TAB2: variants seen among roughly 807,000 people sequenced by gnomAD.
TAB2 encodes the protein TGF-beta-activated kinase 1 and MAP3K7-binding protein 2.
Under a neutral mutation model 65.0 loss-of-function variants are expected in TAB2, and 3 were observed. That is an observed-to-expected ratio of 0.05 (90% CI 0.02 to 0.12). The LOEUF (loss-of-function observed/expected upper bound fraction) is 0.12, where lower values mean the gene tolerates loss of function less well. TAB2 is among the 10% of genes least tolerant of loss of function. The pLI is 1.00. For missense variants in TAB2, 623 were observed against 840.3 expected (o/e 0.74, Z 3.20); for synonymous variants, 298 against 285.1 (o/e 1.05, Z -0.46).
intron 1 of TAB2, among the ~76,000 whole-genome samples, chr6:149,231,610 T>C (rs1777408080): frequency 6.6e-6 from 1 of 152,214 alleles, no homozygotes; most frequent in Non-Finnish European, 1.5e-5. Context: ...TCACTGCATA[T>C]GTACATATGT....
At chr6:149,244,498 A>C (rs1265070666) in intron 1 of TAB2, 1 of 152,412 alleles carries the variant, frequency 6.6e-6, no homozygotes, top group Non-Finnish European at 1.5e-5. Flanking sequence ...TGTATCCCGG[A>C]TAGAGGTGAT....
chr6:149,282,923 A>G (rs1015879618), intron 1 of TAB2, among the ~76,000 whole-genome samples: 1 of 152,196 alleles, frequency 6.6e-6, no homozygotes, highest in African/African-American at 2.4e-5. Flanking sequence ...AGCATTCTTA[A>G]CTGCTGGGTC....
intron 1 of TAB2, among the ~76,000 whole-genome samples, chr6:149,326,612 A>G (rs1335867915): frequency 2.0e-5 from 3 of 151,654 alleles, no homozygotes; most frequent in East Asian, 3.9e-4. Context: ...CAATGTTGCA[A>G]TCTCAGCTCA....
intron 1 of TAB2, among the ~76,000 whole-genome samples, chr6:149,330,853 A>T (rs1779761384): frequency 1.3e-5 from 2 of 152,080 alleles, no homozygotes; most frequent in South Asian, 4.1e-4. Flanking sequence ...ACACTGGCTA[A>T]CCTTAGGTCC....
At chr6:149,252,002 T>C (rs1316193173) in intron 1 of TAB2, among the ~76,000 whole-genome samples, 1 of 152,186 alleles carries the variant, frequency 6.6e-6, no homozygotes, top group Non-Finnish European at 1.5e-5. Context: ...ATATAAGGAA[T>C]AATTTATCCT....
chr6:149,236,751 GCTA>G (rs1777503146), intron 1 of TAB2, among the ~76,000 whole-genome samples: 1 of 152,162 alleles, frequency 6.6e-6, no homozygotes, highest in African/African-American at 2.4e-5. Context: ...GCTTCCCTAG[GCTA>G]CTGTTATTTT....
chr6:149,235,133 G>A (rs1187366006), intron 1 of TAB2, among the ~76,000 whole-genome samples: 1 of 152,220 alleles, frequency 6.6e-6, no homozygotes, highest in Non-Finnish European at 1.5e-5. Context: ...AAAAATAAAA[G>A]CTAAGGCAAG....
intron 1 of TAB2, among the ~76,000 whole-genome samples, chr6:149,266,367 G>C (rs1193546423): frequency 1.3e-5 from 2 of 152,176 alleles, no homozygotes; most frequent in Admixed American, 1.3e-4. Context: ...TTGGCAGACT[G>C]TCCCTTAGTA....
chr6:149,317,239 G>A (rs528431882), upstream of TAB2, among the ~76,000 whole-genome samples: 1 of 152,092 alleles, frequency 6.6e-6, no homozygotes, highest in African/African-American at 2.4e-5. This position sits in a 1 kb window ranked among gnomAD's most constrained non-coding sequence, Gnocchi z 4.7. Context: ...AGGATGGGGG[G>A]CCCAGGCGGA....
At chr6:149,356,287 G>C (rs1184830160) in intron 1 of TAB2, among the ~76,000 whole-genome samples, 3 of 152,120 alleles carry the variant, frequency 2.0e-5, no homozygotes, top group African/African-American at 7.2e-5. Context: ...TAAAATTGGG[G>C]GTTAACTGAA....
intron 6 of TAB2, chr6:149,401,202 A>G (rs1362590462): frequency 6.0e-6 from 1 of 167,038 alleles, no homozygotes; most frequent in African/African-American, 2.4e-5. Context: ...TACTCTAAAA[A>G]AAAAAGAAAG....
At chr6:149,388,361 G>A (rs933698698) in intron 3 of TAB2, among the ~76,000 whole-genome samples, 8 of 152,182 alleles carry the variant, frequency 5.3e-5, no homozygotes, top group Non-Finnish European at 2.9e-5. Context: ...GAACAGGGAG[G>A]CACAGTTCTA....
intron 1 of TAB2, among the ~76,000 whole-genome samples, chr6:149,270,753 T>C (rs1778346098): frequency 6.6e-6 from 1 of 152,214 alleles, no homozygotes; most frequent in Non-Finnish European, 1.5e-5. Flanking sequence ...ATCCAGAGCT[T>C]GGGGCAAGCC....
intron 1 of TAB2, among the ~76,000 whole-genome samples, chr6:149,220,024 G>A (rs141590040): frequency 0.018 from 2,708 of 152,124 alleles, 32 homozygotes; most frequent in Middle Eastern, 0.031. Context: ...ACCTTATCAC[G>A]TTTGCATAAA....
At chr6:149,376,106 T>C (rs771592018) in intron 2 of TAB2, among the ~76,000 whole-genome samples, 1 of 152,220 alleles carries the variant, frequency 6.6e-6, no homozygotes. Context: ...CAGGCTTATT[T>C]GAATTGTTTC....
intron 1 of TAB2, among the ~76,000 whole-genome samples, chr6:149,254,112 AGGAC>A (rs1777951953): frequency 7.5e-6 from 1 of 132,828 alleles, no homozygotes; most frequent in South Asian, 2.5e-4. Flanking sequence ...GAAGGAAGGA[AGGAC>A]AGGGAAGGGA....
At chr6:149,351,300 C>G (rs1194229907) in intron 1 of TAB2, among the ~76,000 whole-genome samples, 1 of 152,178 alleles carries the variant, frequency 6.6e-6, no homozygotes. Flanking sequence ...GCTCAATCCA[C>G]TCCTACAATA....
intron 1 of TAB2, among the ~76,000 whole-genome samples, chr6:149,259,610 A>G (rs1402276744): frequency 1.3e-5 from 2 of 152,214 alleles, no homozygotes; most frequent in Non-Finnish European, 2.9e-5. Context: ...GGACAAAGGC[A>G]GGATATTCAG....
At chr6:149,320,844 A>G (rs921020127) in intron 1 of TAB2, among the ~76,000 whole-genome samples, 1 of 152,252 alleles carries the variant, frequency 6.6e-6, no homozygotes, top group African/African-American at 2.4e-5. Flanking sequence ...ATTCCATTAT[A>G]TCTCTCTCTG....
Sources: allele counts gnomAD v4.1 joint callset (sites outside exome capture counted in the v4.1 genomes callset), GRCh38; gene constraint gnomAD v4.1.1; non-coding constraint Gnocchi (gnomAD v3.1); transcripts MANE v1.5; gene names NCBI Gene and HGNC (gene_info 2026-07-23, HGNC 2026-07-21).